Variants in STARD9 observed in about 807,000 individuals in gnomAD.
STARD9 encodes StAR related lipid transfer domain containing 9, also known as stAR-related lipid transfer protein 9.
Under a neutral mutation model 399.8 loss-of-function variants are expected in STARD9, and 346 were observed. That is an observed-to-expected ratio of 0.87 (90% CI 0.79 to 0.95). STARD9 has a LOEUF of 0.95. STARD9 is among the 40% of genes least tolerant of loss of function. The pLI is 0.00. For synonymous variants in STARD9, 2,203 were observed against 2,143.5 expected (o/e 1.03, Z -0.77); for missense variants, 5,832 against 5,667.5 (o/e 1.03, Z -0.93).
chr15:42,635,252 C>G (rs1383489589), intron 4 of STARD9, among the ~76,000 whole-genome samples: 2 of 143,192 alleles, frequency 1.4e-5, no homozygotes, highest in African/African-American at 5.1e-5. Context: ...AAGAGCAAAA[C>G]TCCATCTCAA....
At chr15:42,632,997 G>T (rs923471700) in intron 3 of STARD9, among the ~76,000 whole-genome samples, 1 of 152,030 alleles carries the variant, frequency 6.6e-6, no homozygotes, top group Non-Finnish European at 1.5e-5. Context: ...AAAAAAATTA[G>T]CTGGGCATGG....
intron 7 of STARD9, among the ~76,000 whole-genome samples, chr15:42,642,239 T>C (rs572681973): frequency 2.0e-5 from 3 of 152,282 alleles, no homozygotes; most frequent in African/African-American, 7.2e-5. Flanking sequence ...ATATAAGCCC[T>C]TAAAGAACTT....
chr15:42,576,271 A>G (rs527296732), intron 1 of STARD9, among the ~76,000 whole-genome samples: 1 of 151,998 alleles, frequency 6.6e-6, no homozygotes, highest in Non-Finnish European at 1.5e-5. Context: ...TCGACAGCTG[A>G]TTTAATCCAG....
rs142725877 is a variant in STARD9, at chr15:42,692,014, C to T, written c.10436C>T (p.Ala3479Val). Residue 3479 changes from alanine (A) to valine (V), a missense_variant, in exon 23 of 33, where the codon GCA becomes GTA. This residue lies in a region of STARD9 where 5,828 missense variants were observed against 5,651.1 expected (regional missense o/e 1.03). Transcript: ENST00000290607. ...CTGCCGTGGCGTCCGGAGGAGCCTGCACGTATCAGCTGGAAGCAGTATATG... is the reference window on the plus strand; with the variant it reads ...CTGCCGTGGCGTCCGGAGGAGCCTGTACGTATCAGCTGGAAGCAGTATATG... ...YALPWRPEEP[A>V]RISWKQYMSG... 44 of 1,537,234 alleles carry T rather than the reference C, an allele frequency of 2.9e-5. No homozygotes were observed. The African/African-American group carries it at 5.6e-4, about 20-fold the overall frequency.
chr15:42,669,549 C>A, intron 16 of STARD9: 1 of 412,126 alleles, frequency 2.4e-6, no homozygotes, highest in Non-Finnish European at 4.4e-6. Flanking sequence ...GAAATCAGAA[C>A]AATTGTTTTT....
chr15:42,606,713 C>T (rs971580170), intron 3 of STARD9, among the ~76,000 whole-genome samples: 1 of 151,736 alleles, frequency 6.6e-6, no homozygotes, highest in African/African-American at 2.4e-5. Context: ...CCTCCCACCT[C>T]AGCCTCCCAA....
chr15:42,686,019 G>T lies in STARD9; in HGVS notation c.4441G>T (p.Glu1481Ter). ...TTLTHVGSTHERDWSALQQKY... is the reference protein window; with the variant it reads ...TTLTHVGSTH ...CTTGACTCATGTAGGCAGCACCCATGAAAGGGATTGGTCTGCCCTTCAGCA... is the reference window on the plus strand; with the variant it reads ...CTTGACTCATGTAGGCAGCACCCATTAAAGGGATTGGTCTGCCCTTCAGCA... Residue 1481 changes from glutamate to a stop codon, truncating the protein, a stop_gained, in exon 23 of 33, where the codon GAA becomes TAA. Coordinates refer to ENST00000290607, the MANE Select transcript of STARD9 (RefSeq NM_020759.3). LOFTEE classifies it high-confidence loss of function. 1 of 1,537,334 alleles carries T rather than the reference G, an allele frequency of 6.5e-7. No individual in the cohort carries two copies.
At position 42,685,172 on chromosome 15, in the gene STARD9, T is replaced by G. The variant is rs1225969223; in HGVS notation, c.3594T>G (p.Thr1198=). The change falls in exon 23 of 33, where the codon ACT becomes ACG. Residue 1198 remains threonine (T), a synonymous_variant. Coordinates refer to ENST00000290607, the MANE Select transcript of STARD9 (RefSeq NM_020759.3). Reference sequence around the variant, plus strand: ...CAGACAGTGACCTACTTGCTCAAACTCATAGGAGCTTCTCCTTGGATAGCC... The same window carrying G: ...CAGACAGTGACCTACTTGCTCAAACGCATAGGAGCTTCTCCTTGGATAGCC... ...AASDSDLLAQ[T]HRSFSLDSLI... The G allele has an allele frequency of 7.2e-6, 11 of 1,536,986 alleles. No homozygotes were observed. Among genetic ancestry groups the G allele is most frequent in the Non-Finnish European group, 9.6e-6 (11 of 1,146,908 alleles).
chr15:42,689,920 C>T lies in STARD9; in HGVS notation c.8342C>T (p.Pro2781Leu), dbSNP rs767715463. 3 of 1,537,486 alleles carry T rather than the reference C, an allele frequency of 2.0e-6. No homozygotes were observed. Among genetic ancestry groups the T allele is most frequent in the African/African-American group, 2.7e-5 (2 of 73,008 alleles). ...CCCCCTGGCAGTCAGGACAGCAGCCCAGAGCATCAGGAACCCAGAACTCTA... is the reference window on the plus strand; with the variant it reads ...CCCCCTGGCAGTCAGGACAGCAGCCTAGAGCATCAGGAACCCAGAACTCTA... ...GIPPGSQDSS[P>L]EHQEPRTLDT... Residue 2781 changes from proline to leucine, a missense_variant, in exon 23 of 33, where the codon CCA becomes CTA. By Grantham distance (98) the Pro-to-Leu change is moderately conservative. This residue lies in a region of STARD9 where 5,828 missense variants were observed against 5,651.1 expected (regional missense o/e 1.03). Transcript: ENST00000290607.
chr15:42,673,879 T>C (rs1229829329), intron 16 of STARD9: 1 of 455,488 alleles, frequency 2.2e-6, no homozygotes, highest in Non-Finnish European at 4.4e-6. Flanking sequence ...AGTTCTTTTT[T>C]ATTCTAGAGG....
chr15:42,704,925 A>T (rs186580753), intron 26 of STARD9, among the ~76,000 whole-genome samples: 3 of 152,160 alleles, frequency 2.0e-5, no homozygotes, highest in Admixed American at 2.0e-4. Flanking sequence ...CCAGGGTGGA[A>T]ATGGGTCATG....
At position 42,686,764 on chromosome 15, in the gene STARD9, C is replaced by G; in HGVS notation, c.5186C>G (p.Ser1729Cys). Reference sequence around the variant, plus strand: ...TCAGGTCCAGAGCTATACCTTCACTCTGCTCCCTGGAATCCATTGTCATCT... The same window carrying G: ...TCAGGTCCAGAGCTATACCTTCACTGTGCTCCCTGGAATCCATTGTCATCT... Reference protein sequence around the residue: ...LPSGPELYLHSAPWNPLSSSL... With the variant: ...LPSGPELYLHCAPWNPLSSSL... Residue 1729 changes from serine to cysteine, a missense_variant, in exon 23 of 33, where the codon TCT becomes TGT. Ser to Cys is a moderately radical substitution (Grantham distance 112). Around this residue, in one of 2 missense-constraint regions of STARD9, gnomAD observed 5,828 missense variants for 5,651.1 expected, o/e 1.03. Transcript: ENST00000290607. The G allele has an allele frequency of 6.5e-7, 1 of 1,537,444 alleles. No individual in the cohort carries two copies. The highest frequency in any genetic ancestry group is 1.2e-5 in the South Asian group (1 of 84,058).
At chr15:42,682,060 GGAA>G (rs1191852047) in intron 21 of STARD9, 41 bp from the exon 22 acceptor site, 1 of 1,328,192 alleles carries the variant, frequency 7.5e-7, no homozygotes, top group Non-Finnish European at 1.0e-6. Flanking sequence ...CCACAAGCAG[GGAA>G]GGAGATGCTG....
intron 13 of STARD9, 54 bp from the exon 14 acceptor site, chr15:42,665,199 C>T: frequency 7.1e-7 from 1 of 1,404,772 alleles, no homozygotes; most frequent in East Asian, 2.5e-5. Context: ...TAGCATTTCA[C>T]AGCTGAGTGG....
At chr15:42,667,345 C>T (rs988989197) in intron 15 of STARD9, among the ~76,000 whole-genome samples, 2 of 151,428 alleles carry the variant, frequency 1.3e-5, no homozygotes, top group Admixed American at 6.6e-5. Flanking sequence ...CCACCACGCC[C>T]GACTAATTTT....
In STARD9 at chr15:42,694,836, TA is replaced by T. The variant is rs2060805792; in HGVS notation, c.12962+114del. On this transcript the variant is annotated intron_variant, in intron 24 of 32. Transcript: ENST00000290607. ...GGAGGGTTCTCTATAGGAGACAGGG[TA>T]AATGGAAAGAGGACATAGAAGGGAA... The T allele has an allele frequency of 4.3e-6, 3 of 698,400 alleles. No homozygotes were observed. The African/African-American group carries it at 6.3e-5, about 15-fold the overall frequency. 43.3% of individuals were successfully genotyped at this position (698,400 alleles called of 1,614,324 possible).
Position 42,642,333 on chromosome 15 carries a change from A to C in STARD9, c.559+3521A>C, listed in dbSNP as rs183254429. On this transcript the variant is annotated intron_variant, in intron 7 of 32. Coordinates refer to ENST00000290607, the MANE Select transcript of STARD9 (RefSeq NM_020759.3). ...GAAAAGAGTAGCCTTTCCATTAAAA[A>C]GTTTATTTATTAGTCGAGAGATTAA... 1.6e-4 allele frequency among the ~76,000 whole-genome samples: 25 copies of C among 152,364 alleles called. No homozygotes were observed. In the East Asian group the frequency reaches 4.8e-3, roughly 29 times the overall value.
intron 3 of STARD9, among the ~76,000 whole-genome samples, chr15:42,603,388 T>C (rs1224314283): frequency 1.3e-5 from 2 of 152,124 alleles, no homozygotes; most frequent in African/African-American, 4.8e-5. Context: ...GTGCTGGGAT[T>C]ACAGGCATGA....
At chr15:42,653,055 C>T (rs1566906210) in intron 9 of STARD9, among the ~76,000 whole-genome samples, 1 of 152,188 alleles carries the variant, frequency 6.6e-6, no homozygotes, top group Non-Finnish European at 1.5e-5. Flanking sequence ...CGGATTTACA[C>T]ACAATCCGTT....
Sources: allele counts gnomAD v4.1 joint callset (sites outside exome capture counted in the v4.1 genomes callset), GRCh38; gene constraint gnomAD v4.1.1; regional missense constraint gnomAD v4.1.1; transcripts MANE v1.5; gene names NCBI Gene and HGNC (gene_info 2026-07-23, HGNC 2026-07-21).